The following RGS1 variants were observed in gnomAD, a reference collection of about 807,000 sequenced individuals.
RGS1 encodes the protein B-cell activation protein BL34.
In RGS1, 11 loss-of-function variants were observed where a neutral mutation model predicts 22.2. The observed-to-expected ratio is 0.50, with a 90% CI of 0.31 to 0.82. RGS1 has a LOEUF of 0.82. Ranked by LOEUF, RGS1 falls within the 40% of genes least tolerant of loss-of-function variation. The pLI, the probability that RGS1 is intolerant of heterozygous loss-of-function variation, is 0.04. For missense variants in RGS1, 255 were observed against 245.8 expected, an observed-to-expected ratio of 1.04 and a Z score of -0.25; for synonymous variants, 81 against 79.9, an observed-to-expected ratio of 1.01 and a Z score of -0.07.
intron 3 of RGS1, chr1:192,577,410 A>G (rs1662080771): frequency 6.6e-6 from 1 of 152,084 alleles, no homozygotes; most frequent in Non-Finnish European, 1.5e-5. Context: ...TGATAGAAGG[A>G]TTTTTAAGCA....
chr1:192,579,078 C>A lies in RGS1; in HGVS notation c.445-59C>A, dbSNP rs1304519467. ...TCTGAGGTGTTTCAAAAAACAGTAA[C>A]ATCATAAAATTTGCAGTAAAGAAAA... On this transcript the variant is annotated intron_variant, in intron 4 of 4. Transcript: ENST00000367459. 2.5e-5 allele frequency: 37 copies of A among 1,509,956 alleles called. No individual in the cohort carries two copies. In the South Asian group the frequency reaches 4.6e-4, roughly 19 times the overall value. 93.5% of individuals were successfully genotyped at this position (1,509,956 alleles called of 1,614,324 possible).
Position 192,579,430 on chromosome 1 carries a change from C to CCCA in RGS1, c.*109_*110insCAC. On this transcript the variant is annotated 3_prime_UTR_variant, in exon 5 of 5. Transcript: ENST00000367459. ...GGCCTTTTTTGGGTGTCTTGACAGGCCAAGAAGAACAAATGACTCAGAATG... is the reference window on the plus strand; with the variant it reads ...GGCCTTTTTTGGGTGTCTTGACAGGCCCACAAGAAGAACAAATGACTCAGAATG... The CCCA allele has an allele frequency of 1.1e-6, 1 of 932,410 alleles. No individual in the cohort carries two copies. The highest frequency in any genetic ancestry group is 1.6e-6 in the Non-Finnish European group (1 of 609,996). 57.8% of individuals were successfully genotyped at this position (932,410 alleles called of 1,614,324 possible).
intron 2 of RGS1, chr1:192,576,570 T>G: frequency 1.5e-6 from 1 of 649,940 alleles, no homozygotes; most frequent in Non-Finnish European, 2.6e-6. Flanking sequence ...CTATTTGGAT[T>G]TTTTCAAATT....
Position 192,578,390 on chromosome 1 carries a change from G to GTATTAAGC in RGS1, c.444+7_444+14dup. 1 of 1,611,676 alleles carries GTATTAAGC rather than the reference G, an allele frequency of 6.2e-7. No homozygotes were observed. Among genetic ancestry groups the GTATTAAGC allele is most frequent in the African/African-American group, 1.3e-5 (1 of 74,966 alleles). On this transcript the variant is annotated splice_donor_region_variant and intron_variant, in intron 4 of 4. Transcript: ENST00000367459. Reference sequence around the variant, plus strand: ...CATTCAGATGCTGCTAAACAAGTGAGTATTAAGCTTATCATCATCAGTTTC... The same window carrying GTATTAAGC: ...CATTCAGATGCTGCTAAACAAGTGAGTATTAAGCTATTAAGCTTATCATCATCAGTTTC...
chr1:192,576,207 A>G, intron 1 of RGS1, 78 bp from the exon 2 acceptor site: 1 of 1,233,532 alleles, frequency 8.1e-7, no homozygotes, highest in South Asian at 1.3e-5. Flanking sequence ...TATTCCTTAG[A>G]GAAATTTATT....
At chr1:192,576,387 A>G (rs1265977010) in intron 2 of RGS1, 22 bp downstream of exon 2, 4 of 1,512,952 alleles carry the variant, frequency 2.6e-6, no homozygotes, top group Admixed American at 3.4e-5. Context: ...AATACACTAA[A>G]CTATCATTAT....
rs755701133 is a variant in RGS1, at chr1:192,575,817, C to T, written c.25C>T (p.Pro9Ser). The T allele has an allele frequency of 6.2e-7, 1 of 1,613,264 alleles. No individual in the cohort carries two copies. Residue 9 changes from proline to serine, a missense_variant, in exon 1 of 5, where the codon CCA (proline) becomes TCA (serine). Pro to Ser is a moderately conservative substitution (Grantham distance 74). Coordinates refer to ENST00000367459, the MANE Select transcript of RGS1 (RefSeq NM_002922.4). ...CATGCGCGCAGCAGCCATCTCCACT[C>T]CAAAGTTAGACAAAATGCCAGGAAT... MRAAAIST[P>S]KLDKMPGMFF...
chr1:192,579,031 A>G, intron 4 of RGS1, 106 bp from the exon 5 acceptor site: 1 of 1,054,390 alleles, frequency 9.5e-7, no homozygotes, highest in Non-Finnish European at 1.4e-6. Flanking sequence ...GAATTGATTT[A>G]AATGAGGCCT....
At chr1:192,577,066 A>T in intron 3 of RGS1, 1 of 393,044 alleles carries the variant, frequency 2.5e-6, no homozygotes, top group East Asian at 3.7e-5. Context: ...ATTTTCATAG[A>T]TCATTATGGA....
At chr1:192,577,012 A>C (rs12136860) in intron 3 of RGS1, 177 bp downstream of exon 3, 4 of 445,710 alleles carry the variant, frequency 9.0e-6, no homozygotes, top group Non-Finnish European at 1.6e-5. Flanking sequence ...TTAGCACTCA[A>C]TTCTGCCAAC....
At chr1:192,577,495 C>CA (rs1321813106) in intron 3 of RGS1, 2 of 152,096 alleles carry the variant, frequency 1.3e-5, no homozygotes, top group African/African-American at 4.8e-5. Context: ...TTGTCTTGGG[C>CA]ATTACAATTC....
At position 192,578,350 on chromosome 1, in the gene RGS1, T is replaced by C. The variant is rs527422109; in HGVS notation, c.409T>C (p.Tyr137His). Residue 137 changes from tyrosine to histidine, a missense_variant, in exon 4 of 5, where the codon TAT (tyrosine) becomes CAT (histidine). Coordinates refer to ENST00000367459, the MANE Select transcript of RGS1 (RefSeq NM_002922.4). ...TTTGCCCTGTAAAGCAGAAGAGATATATAAAGCATTTGTGCATTCAGATGC... is the reference window on the plus strand; with the variant it reads ...TTTGCCCTGTAAAGCAGAAGAGATACATAAAGCATTTGTGCATTCAGATGC... The part of the protein sequence containing the change: ...DLLPCKAEEI[Y>H]KAFVHSDAAK... 1.9e-6 allele frequency: 3 copies of C among 1,613,066 alleles called. No homozygotes were observed. The South Asian group carries it at 3.3e-5, about 18-fold the overall frequency.
intron 4 of RGS1, chr1:192,578,839 T>C (rs1378092448): frequency 2.6e-6 from 1 of 381,038 alleles, no homozygotes; most frequent in Non-Finnish European, 4.6e-6. Flanking sequence ...CTTAAATGCC[T>C]ACATCACTCT....
intron 3 of RGS1, 161 bp from the exon 4 acceptor site, chr1:192,578,061 T>C: frequency 1.2e-6 from 1 of 822,056 alleles, no homozygotes; most frequent in Non-Finnish European, 1.8e-6. Context: ...TGACTTCTCA[T>C]CTCTACAATC....
rs1662124286 is a variant in RGS1, at chr1:192,579,322, A to G, written c.630A>G (p.Ter210TrpextTer5). The change falls in exon 5 of 5, where the codon TGA (stop) becomes TGG (tryptophan). Residue 210 changes from the stop codon to tryptophan (W), a stop_lost. Transcript: ENST00000367459. Reference sequence around the variant, plus strand: ...ACCTGCAGGCTAATAGCCTAAAGTGACTGGTCCCTGGCTGAAGGGAATTAA... The same window carrying G: ...ACCTGCAGGCTAATAGCCTAAAGTGGCTGGTCCCTGGCTGAAGGGAATTAA... ...LNDLQANSLK[*>W] 1 of 1,612,204 alleles carries G rather than the reference A, an allele frequency of 6.2e-7. No homozygotes were observed. Among genetic ancestry groups the G allele is most frequent in the Non-Finnish European group, 8.5e-7 (1 of 1,178,962 alleles).
intron 4 of RGS1, 177 bp downstream of exon 4, chr1:192,578,562 G>A: frequency 1.4e-6 from 1 of 726,350 alleles, no homozygotes; most frequent in Non-Finnish European, 2.2e-6. Context: ...ATTGGTGAGG[G>A]TTTCAGCACA....
rs751842638 is a variant in RGS1, at chr1:192,578,492, T to G, written c.444+107T>G. 3 of 1,185,712 alleles carry G rather than the reference T, an allele frequency of 2.5e-6. No homozygotes were observed. In the African/African-American group the frequency reaches 4.6e-5, roughly 18 times the overall value. 73.4% of individuals were successfully genotyped at this position (1,185,712 alleles called of 1,614,324 possible). A position where few individuals can be genotyped will look rare whatever the true frequency, so the allele number is the denominator to read the frequency against. On this transcript the variant is annotated intron_variant, in intron 4 of 4. Coordinates refer to ENST00000367459, the MANE Select transcript of RGS1 (RefSeq NM_002922.4). Reference sequence around the variant, plus strand: ...AAAATCCTTTTGGGGTATATAATTTTACTTCTACATACTTAGGCATATAAA... The same window carrying G: ...AAAATCCTTTTGGGGTATATAATTTGACTTCTACATACTTAGGCATATAAA...
At chr1:192,577,122 A>T (rs1662075275) in intron 3 of RGS1, 2 of 315,648 alleles carry the variant, frequency 6.3e-6, no homozygotes, top group Non-Finnish European at 1.1e-5. Flanking sequence ...TAAAAATTTT[A>T]AAAGTAAGCC....
At chr1:192,578,816 T>G (rs1662110351) in intron 4 of RGS1, 1 of 359,146 alleles carries the variant, frequency 2.8e-6, no homozygotes, top group African/African-American at 2.1e-5. Flanking sequence ...AAGAGCCTTC[T>G]TCTCCTGTAA....
Sources: gnomAD v4.1 joint callset for allele counts on GRCh38, gnomAD v4.1.1 for gene constraint, MANE v1.5 for transcripts, NCBI Gene and HGNC (gene_info 2026-07-23, HGNC 2026-07-21) for gene names.